HLX: variants seen among roughly 807,000 people sequenced by gnomAD.
HLX encodes H2.0 like homeobox, also known as H2.0-like homeobox protein.
Under a neutral mutation model 27.7 loss-of-function variants are expected in HLX, and 6 were observed. That is an observed-to-expected ratio of 0.22 (90% CI 0.12 to 0.43). The LOEUF (loss-of-function observed/expected upper bound fraction) is 0.43. Among genes scored for constraint, HLX ranks in the 20% least tolerant of loss-of-function variants. The pLI, the probability that HLX is intolerant of heterozygous loss-of-function variation, is 1.00. For missense variants in HLX, 666 were observed against 655.2 expected (o/e 1.02, Z -0.18); for synonymous variants, 328 against 293.8 (o/e 1.12, Z -1.19).
chr1:220,882,690 G>C (rs994204600), intron 3 of HLX: 1 of 244,650 alleles, frequency 4.1e-6, no homozygotes, highest in Non-Finnish European at 8.1e-6. Flanking sequence ...CGCTGTAGGA[G>C]GCAGTTTATT....
intron 3 of HLX, chr1:220,882,810 A>G: frequency 5.7e-6 from 1 of 176,406 alleles, no homozygotes; most frequent in Non-Finnish European, 1.2e-5. Context: ...TGAAATCCCC[A>G]GTTGTGAGGA....
Position 220,879,803 on chromosome 1 carries a change from G to T in HLX, c.-55G>T. The T allele has an allele frequency of 1.3e-6, 2 of 1,488,584 alleles. No homozygotes were observed. The highest frequency in any genetic ancestry group is 5.2e-5 in the East Asian group (2 of 38,206). 92.2% of individuals were successfully genotyped at this position (1,488,584 alleles called of 1,614,324 possible). Reference sequence around the variant, plus strand: ...GGGACTCGCGCGCCCCTCCCCGCGCGCCCACCCACCCAGTCCGGCTGGACT... The same window carrying T: ...GGGACTCGCGCGCCCCTCCCCGCGCTCCCACCCACCCAGTCCGGCTGGACT... On this transcript the variant is annotated 5_prime_UTR_variant, in exon 1 of 4. Coordinates refer to ENST00000366903, the MANE Select transcript of HLX (RefSeq NM_021958.4).
chr1:220,883,890 G>T, intron 3 of HLX: 1 of 464,716 alleles, frequency 2.2e-6, no homozygotes, highest in Non-Finnish European at 3.9e-6. Flanking sequence ...AGTATGTTGG[G>T]GGTCGGGTGC....
At position 220,882,248 on chromosome 1, in the gene HLX, T is replaced by A. The variant is rs372872181; in HGVS notation, c.857T>A (p.Leu286Gln). Residue 286 changes from leucine (L) to glutamine (Q), a missense_variant, in exon 3 of 4, where the codon CTG (leucine) becomes CAG (glutamine). Coordinates refer to ENST00000366903, the MANE Select transcript of HLX (RefSeq NM_021958.4). ...TGGTCGCGCGCTGTGTTCTCCAACC[T>A]GCAGAGGAAAGGCCTGGAGAAAAGG... ...RSWSRAVFSN[L>Q]QRKGLEKRFE... 7.4e-6 allele frequency: 12 copies of A among 1,614,094 alleles called. No homozygotes were observed. In the African/African-American group the frequency reaches 1.3e-4, roughly 18 times the overall value.
rs200503375 is a variant in HLX, at chr1:220,884,632, T to C, written c.1395T>C (p.Pro465=). ...LGGGGASELL[P]ATQPTASSAP... is the part of the protein sequence containing the mutation. The stretch of plus-strand genomic sequence containing the variant: ...GCGGCGGCGCCTCGGAGCTTCTCCC[T>C]GCAACACAGCCCACAGCCAGCAGCG... The change falls in exon 4 of 4, where the codon CCT becomes CCC. Residue 465 remains proline (P), a synonymous_variant. Coordinates refer to ENST00000366903, the MANE Select transcript of HLX (RefSeq NM_021958.4). The surrounding 1 kb of genome is among the most constrained non-coding windows in gnomAD (Gnocchi z 4.9). 3 of 1,610,480 alleles carry C rather than the reference T, an allele frequency of 1.9e-6. No homozygotes were observed. Among genetic ancestry groups the C allele is most frequent in the East Asian group, 4.5e-5 (2 of 44,810 alleles).
In HLX at chr1:220,880,038, C is replaced by G. The variant is rs536726177; in HGVS notation, c.181C>G (p.Pro61Ala). Reference sequence around the variant, plus strand: ...CGGCGTGGGGGATCTGGGGGCGGCCCCGGAGGGCCTGGCAGGGGCCTCGGC... The same window carrying G: ...CGGCGTGGGGGATCTGGGGGCGGCCGCGGAGGGCCTGGCAGGGGCCTCGGC... Reference protein sequence around the residue: ...HAGVGDLGAAPEGLAGASAAA... With the variant: ...HAGVGDLGAAAEGLAGASAAA... Residue 61 changes from proline (P) to alanine (A), a missense_variant, in exon 1 of 4, where the codon CCG (proline) becomes GCG (alanine). Coordinates refer to ENST00000366903, the MANE Select transcript of HLX (RefSeq NM_021958.4). The G allele has an allele frequency of 6.3e-7, 1 of 1,592,806 alleles. No homozygotes were observed. The highest frequency in any genetic ancestry group is 1.3e-5 in the African/African-American group (1 of 74,768).
rs1674376491 is a variant in HLX at position 220,879,536 on chromosome 1, C to G, written c.-322C>G. On this transcript the variant is annotated 5_prime_UTR_variant, in exon 1 of 4. Coordinates refer to ENST00000366903, the MANE Select transcript of HLX (RefSeq NM_021958.4). ...AGCTATTTGGGTTTTCTTGCGGTGT[C>G]CGGCTCCCGTCTCCCTGGCTCCCCC... The G allele has an allele frequency of 2.3e-6, 1 of 435,276 alleles. No individual in the cohort carries two copies. Among genetic ancestry groups the G allele is most frequent in the Non-Finnish European group, 4.1e-6 (1 of 245,164 alleles). The allele number at this position is 435,276 out of a possible 1,614,324, so 27.0% of individuals were successfully genotyped here. A position where few individuals can be genotyped will look rare whatever the true frequency, so the allele number is the denominator to read the frequency against.
At position 220,884,712 on chromosome 1, in the gene HLX, T is replaced by G. The variant is rs1443636592; in HGVS notation, c.*8T>G. ...GCGCTTGGCTGCTTATAGACTGTACTAGGGCGGAGGGGATCCGGGCCTTGC... is the reference window on the plus strand; with the variant it reads ...GCGCTTGGCTGCTTATAGACTGTACGAGGGCGGAGGGGATCCGGGCCTTGC... On this transcript the variant is annotated 3_prime_UTR_variant, in exon 4 of 4. Transcript: ENST00000366903. The surrounding 1 kb of genome is among the most constrained non-coding windows in gnomAD (Gnocchi z 4.9). 1 of 1,607,376 alleles carries G rather than the reference T, an allele frequency of 6.2e-7. No individual in the cohort carries two copies.
chr1:220,880,927 G>T, intron 1 of HLX: 1 of 476,794 alleles, frequency 2.1e-6, no homozygotes. Context: ...GTTCTTGGAA[G>T]ACACGTGAAA....
chr1:220,885,001 C>G lies in HLX; in HGVS notation c.*297C>G, dbSNP rs1214969778. 4 of 489,132 alleles carry G rather than the reference C, an allele frequency of 8.2e-6. No individual in the cohort carries two copies. Among genetic ancestry groups the G allele is most frequent in the African/African-American group, 7.6e-5 (4 of 52,350 alleles). The allele number at this position is 489,132 out of a possible 1,614,324, so 30.3% of individuals were successfully genotyped here. A position where few individuals can be genotyped will look rare whatever the true frequency, so the allele number is the denominator to read the frequency against. ...CTCTGACTCGCCCCAGAGGTCGTGG[C>G]TCAAAGGCACTTAGGACGCCTTAAA... On this transcript the variant is annotated 3_prime_UTR_variant, in exon 4 of 4. Coordinates refer to ENST00000366903, the MANE Select transcript of HLX (RefSeq NM_021958.4).
At chr1:220,881,490 C>T (rs1433284227) in intron 2 of HLX, 117 bp downstream of exon 2, 3 of 889,942 alleles carry the variant, frequency 3.4e-6, no homozygotes, top group Non-Finnish European at 5.6e-6. Flanking sequence ...GGGCGGGAGG[C>T]TACGGAGTCA....
At chr1:220,880,841 GT>G (rs1180801009) in intron 1 of HLX, 3 of 402,672 alleles carry the variant, frequency 7.5e-6, no homozygotes, top group Non-Finnish European at 8.9e-6. Flanking sequence ...CCCAGGAAAT[GT>G]AAATAATAAA....
chr1:220,882,093 C>G lies in HLX; in HGVS notation c.773-71C>G, dbSNP rs1194886011. On this transcript the variant is annotated intron_variant, in intron 2 of 3. Coordinates refer to ENST00000366903, the MANE Select transcript of HLX (RefSeq NM_021958.4). ...TTCAAGCCTTACGGGGACCCCCAGG[C>G]TGGCAGGTCAAGGACTGGACACTGA... 3.5e-6 allele frequency: 5 copies of G among 1,436,092 alleles called. No individual in the cohort carries two copies. The African/African-American group carries it at 7.0e-5, about 20-fold the overall frequency. The allele number at this position is 1,436,092 out of a possible 1,614,324, so 89.0% of individuals were successfully genotyped here.
At chr1:220,881,163 G>T (rs1674428499) in intron 1 of HLX, 31 bp from the exon 2 acceptor site, 2 of 1,601,536 alleles carry the variant, frequency 1.2e-6, no homozygotes, top group Non-Finnish European at 1.7e-6. Flanking sequence ...TGCCCGAGAT[G>T]TAACCTGCTA....
Position 220,879,910 on chromosome 1 carries a change from C to G in HLX, c.53C>G (p.Ser18Trp). ...TACGCCTCCAACTTCAGCCTCTGGTCGGCCGCTTACTGCTCCTCGGCCGGC... is the reference window on the plus strand; with the variant it reads ...TACGCCTCCAACTTCAGCCTCTGGTGGGCCGCTTACTGCTCCTCGGCCGGC... ...PFYASNFSLWSAAYCSSAGPG... is the reference protein window; with the variant it reads ...PFYASNFSLWWAAYCSSAGPG... The change falls in exon 1 of 4, where the codon TCG becomes TGG. Residue 18 changes from serine to tryptophan, a missense_variant. Ser to Trp is a radical substitution (Grantham distance 177). Transcript: ENST00000366903. 3 of 1,594,850 alleles carry G rather than the reference C, an allele frequency of 1.9e-6. No individual in the cohort carries two copies. Among genetic ancestry groups the G allele is most frequent in the Non-Finnish European group, 1.7e-6 (2 of 1,176,608 alleles).
At chr1:220,883,346 G>A (rs973999475) in intron 3 of HLX, 6 of 151,282 alleles carry the variant, frequency 4.0e-5, no homozygotes, top group African/African-American at 7.4e-5. Flanking sequence ...GAGCCCAGCC[G>A]TTTTCCACCA....
Position 220,882,237 on chromosome 1 carries a change from G to T in HLX, c.846G>T (p.Val282=), listed in dbSNP as rs767935851. The change falls in exon 3 of 4, where the codon GTG becomes GTT. Residue 282 remains valine (V), a synonymous_variant. Coordinates refer to ENST00000366903, the MANE Select transcript of HLX (RefSeq NM_021958.4). ...YKRKRSWSRA[V]FSNLQRKGLE... is the part of the protein sequence containing the mutation. ...GGAAGCGTTCATGGTCGCGCGCTGT[G>T]TTCTCCAACCTGCAGAGGAAAGGCC... 7.3e-5 allele frequency: 118 copies of T among 1,614,130 alleles called. No homozygotes were observed. The Admixed American group carries it at 1.9e-3, about 26-fold the overall frequency.
Position 220,884,420 on chromosome 1 carries a change from G to A in HLX, c.1183G>A (p.Glu395Lys), listed in dbSNP as rs1165887209. ...DMAPSDTERTEGSERSLHQTT... is the reference protein window; with the variant it reads ...DMAPSDTERTKGSERSLHQTT... The stretch of plus-strand genomic sequence containing the variant: ...GGCCCCCAGCGACACGGAGCGGACT[G>A]AGGGGAGTGAGCGTTCTCTGCACCA... Residue 395 changes from glutamate to lysine, a missense_variant, in exon 4 of 4, where the codon GAG becomes AAG. Physicochemically the swap from Glu to Lys is moderately conservative, Grantham distance 56. Coordinates refer to ENST00000366903, the MANE Select transcript of HLX (RefSeq NM_021958.4). The surrounding 1 kb of genome is among the most constrained non-coding windows in gnomAD (Gnocchi z 4.9). The A allele has an allele frequency of 6.2e-7, 1 of 1,614,176 alleles. No homozygotes were observed. Among genetic ancestry groups the A allele is most frequent in the African/African-American group, 1.3e-5 (1 of 75,046 alleles).
At chr1:220,880,828 T>C (rs1278886977) in intron 1 of HLX, 1 of 387,182 alleles carries the variant, frequency 2.6e-6, no homozygotes, top group African/African-American at 2.0e-5. Context: ...AGTAAAAATT[T>C]CACCCAGGAA....
Sources: allele counts gnomAD v4.1 joint callset, GRCh38; gene constraint gnomAD v4.1.1; non-coding constraint Gnocchi (gnomAD v3.1); transcripts MANE v1.5; gene names NCBI Gene and HGNC (gene_info 2026-07-23, HGNC 2026-07-21).